The following EEPD1 variants were observed in gnomAD, a reference collection of about 807,000 sequenced individuals.
EEPD1 encodes the protein endonuclease/exonuclease/phosphatase family domain-containing protein 1.
A neutral mutation model predicts 46.3 loss-of-function variants in EEPD1; 17 were observed. The ratio of observed to expected loss-of-function variants is 0.37; its 90% CI spans 0.25 to 0.55. EEPD1 has a LOEUF of 0.55. Ranked by LOEUF, EEPD1 falls within the 20% of genes least tolerant of loss-of-function variation. The pLI is 0.83. For synonymous variants in EEPD1, 313 were observed against 315.6 expected (o/e 0.99, Z 0.09); for missense variants, 673 against 745.6 (o/e 0.90, Z 1.13).
At chr7:36,217,952 G>A (rs926435154) in intron 2 of EEPD1, among the ~76,000 whole-genome samples, 1 of 152,200 alleles carries the variant, frequency 6.6e-6, no homozygotes, top group Non-Finnish European at 1.5e-5. Flanking sequence ...CTAATTTTCA[G>A]TATGCTCTGA....
intron 2 of EEPD1, among the ~76,000 whole-genome samples, chr7:36,184,720 AT>A (rs1001191007): frequency 7.2e-5 from 11 of 151,886 alleles, no homozygotes; most frequent in Non-Finnish European, 1.5e-4. Context: ...AAATATAAGG[AT>A]TTTTTTTTAA....
intron 3 of EEPD1, among the ~76,000 whole-genome samples, chr7:36,243,583 C>T (rs1786591035): frequency 6.6e-6 from 1 of 152,150 alleles, no homozygotes; most frequent in South Asian, 2.1e-4. Flanking sequence ...GAACTGGTCG[C>T]TTCTAGCCAG....
At chr7:36,229,897 C>T (rs1473864243) in intron 2 of EEPD1, among the ~76,000 whole-genome samples, 1 of 152,052 alleles carries the variant, frequency 6.6e-6, no homozygotes, top group Non-Finnish European at 1.5e-5. Context: ...GATGGTCTCT[C>T]CCCTTCGTCA....
At chr7:36,263,952 G>C (rs1786972458) in intron 3 of EEPD1, among the ~76,000 whole-genome samples, 1 of 152,194 alleles carries the variant, frequency 6.6e-6, no homozygotes, top group Non-Finnish European at 1.5e-5. Flanking sequence ...TCAGGATGTG[G>C]CAGGGACATT....
At chr7:36,266,918 G>C (rs758297333) in intron 3 of EEPD1, among the ~76,000 whole-genome samples, 1 of 152,020 alleles carries the variant, frequency 6.6e-6, no homozygotes, top group Admixed American at 6.6e-5. Context: ...GCTTTTTCAC[G>C]GCTGAGTAAT....
chr7:36,209,936 C>T (rs1359275791), intron 2 of EEPD1, among the ~76,000 whole-genome samples: 1 of 152,096 alleles, frequency 6.6e-6, no homozygotes, highest in African/African-American at 2.4e-5. Context: ...GCACCTCGTG[C>T]TGGTTGGCTG....
At chr7:36,202,940 C>T (rs769885028) in intron 2 of EEPD1, among the ~76,000 whole-genome samples, 12 of 152,212 alleles carry the variant, frequency 7.9e-5, no homozygotes, top group Admixed American at 1.3e-4. Flanking sequence ...GTCAAACCAA[C>T]GGCTTCTTAC....
chr7:36,221,070 A>G lies in EEPD1; in HGVS notation c.879-17915A>G, dbSNP rs116289164. Among the ~76,000 whole-genome samples the G allele has an allele frequency of 9.8e-3, 1,499 of 152,284 alleles. 18 individuals are homozygous for G. The highest frequency in any genetic ancestry group is 0.034 in the African/African-American group (1,412 of 41,542). ...ATGATCAGCCTGCCTCAGCGTCCCA[A>G]AGTGTTTAGATTACAGGCGTGAGCC... is the stretch of plus-strand genomic sequence containing the variant. On this transcript the variant is annotated intron_variant, in intron 2 of 7. Transcript: ENST00000242108.
intron 3 of EEPD1, among the ~76,000 whole-genome samples, chr7:36,247,739 A>G (rs1786662385): frequency 2.0e-5 from 3 of 152,170 alleles, no homozygotes; most frequent in South Asian, 4.1e-4. Flanking sequence ...CCAGCTGCCC[A>G]TCTTCTGTGA....
chr7:36,285,984 G>T (rs1044461592), intron 5 of EEPD1, among the ~76,000 whole-genome samples: 3 of 152,250 alleles, frequency 2.0e-5, no homozygotes, highest in African/African-American at 7.2e-5. Flanking sequence ...GGTTGTATCT[G>T]TGGTACTGAC....
intron 2 of EEPD1, among the ~76,000 whole-genome samples, chr7:36,197,701 G>A (rs1304598362): frequency 2.0e-5 from 3 of 152,040 alleles, no homozygotes; most frequent in Non-Finnish European, 4.4e-5. Flanking sequence ...TTGTTAAACA[G>A]ATGCTTGAAG....
chr7:36,167,329 G>A (rs146529651), intron 2 of EEPD1, among the ~76,000 whole-genome samples: 2,031 of 152,274 alleles, frequency 0.013, 23 homozygotes, highest in Non-Finnish European at 0.02. Flanking sequence ...GCTCCTCTGA[G>A]TTTTTTCTGG....
At chr7:36,262,502 T>C (rs574883624) in intron 3 of EEPD1, among the ~76,000 whole-genome samples, 1 of 152,318 alleles carries the variant, frequency 6.6e-6, no homozygotes, top group South Asian at 2.1e-4. Context: ...ACTTGAGAGA[T>C]TCAAGTGCAT....
chr7:36,288,980 G>A (rs897690367), intron 6 of EEPD1, among the ~76,000 whole-genome samples: 2 of 152,116 alleles, frequency 1.3e-5, no homozygotes, highest in African/African-American at 4.8e-5. Flanking sequence ...TTTGAGTCTG[G>A]ACCAATATTC....
intron 7 of EEPD1, 47 bp downstream of exon 7, chr7:36,297,234 A>G: frequency 6.3e-7 from 1 of 1,596,418 alleles, no homozygotes; most frequent in South Asian, 1.1e-5. Flanking sequence ...GAATGGAGTG[A>G]GAGAAACATG....
intron 2 of EEPD1, among the ~76,000 whole-genome samples, chr7:36,192,162 A>C (rs1785472148): frequency 6.6e-6 from 1 of 152,274 alleles, no homozygotes; most frequent in Non-Finnish European, 1.5e-5. Context: ...TGAGCTTTGC[A>C]TTGCAGATGC....
chr7:36,233,372 T>C (rs565644575), intron 2 of EEPD1, among the ~76,000 whole-genome samples: 14 of 152,392 alleles, frequency 9.2e-5, no homozygotes, highest in African/African-American at 3.1e-4. Flanking sequence ...AACCGAGGCA[T>C]GGCCTTTGCT....
rs753543862 is a variant in EEPD1, at chr7:36,299,175, G to A, written c.1679G>A (p.Arg560Gln). The A allele has an allele frequency of 1.8e-5, 29 of 1,614,072 alleles. 1 individual carries two copies. In the Middle Eastern group the frequency reaches 9.9e-4, roughly 55 times the overall value. The change falls in exon 8 of 8, where the codon CGA (arginine) becomes CAA (glutamine). Residue 560 changes from arginine to glutamine, a missense_variant. Physicochemically the swap from Arg to Gln is conservative, Grantham distance 43. Transcript: ENST00000242108. ...PRNGSGVALERSEANIKHER is the reference protein window; with the variant it reads ...PRNGSGVALEQSEANIKHER ...AACGGCAGCGGGGTGGCCTTGGAGC[G>A]AAGTGAAGCCAACATCAAGCACGAG...
At chr7:36,167,313 C>A (rs1292302386) in intron 2 of EEPD1, among the ~76,000 whole-genome samples, 1 of 152,162 alleles carries the variant, frequency 6.6e-6, no homozygotes, top group Non-Finnish European at 1.5e-5. Flanking sequence ...AGTTTGTGAG[C>A]AACTTGCTCC....
Sources: allele counts gnomAD v4.1 joint callset (sites outside exome capture counted in the v4.1 genomes callset), GRCh38; gene constraint gnomAD v4.1.1; transcripts MANE v1.5; gene names NCBI Gene and HGNC (gene_info 2026-07-23, HGNC 2026-07-21).